The following PDE8B variants were observed in gnomAD, a reference collection of about 807,000 sequenced individuals.
PDE8B encodes the protein high affinity cAMP-specific and IBMX-insensitive 3',5'-cyclic phosphodiesterase 8B.
In PDE8B, 26 loss-of-function variants were observed where a neutral mutation model predicts 101.3. The observed-to-expected ratio is 0.26, with a 90% CI of 0.19 to 0.36. The LOEUF (loss-of-function observed/expected upper bound fraction) is 0.36, where lower values mean the gene tolerates loss of function less well. Among genes scored for constraint, PDE8B ranks in the 10% least tolerant of loss-of-function variants. The pLI, the probability that PDE8B is intolerant of heterozygous loss-of-function variation, is 1.00. For synonymous variants in PDE8B, 424 were observed against 429.3 expected, an observed-to-expected ratio of 0.99 and a Z score of 0.15; for missense variants, 810 against 1,163.1, an observed-to-expected ratio of 0.70 and a Z score of 4.42.
chr5:77,359,663 G>A (rs1031400985), intron 10 of PDE8B, among the ~76,000 whole-genome samples: 1 of 152,128 alleles, frequency 6.6e-6, no homozygotes, highest in Non-Finnish European at 1.5e-5. Context: ...GAAATAAAGT[G>A]TCTCCTTGTG....
chr5:77,313,951 A>C lies in PDE8B; in HGVS notation c.399+1898A>C, dbSNP rs79634216. Among the ~76,000 whole-genome samples the C allele has an allele frequency of 8.5e-5, 13 of 152,262 alleles. 1 individual carries two copies. In the East Asian group the frequency reaches 2.5e-3, roughly 29 times the overall value. ...GTGCTATACACATCGTTCTTCATTC[A>C]TCAGTTGGTGTCATATCTAAGAATT... On this transcript the variant is annotated intron_variant, in intron 2 of 21. Coordinates refer to ENST00000264917, the MANE Select transcript of PDE8B (RefSeq NM_003719.5).
At chr5:77,278,072 C>T (rs1764194137) in intron 1 of PDE8B, among the ~76,000 whole-genome samples, 1 of 152,194 alleles carries the variant, frequency 6.6e-6, no homozygotes, top group Admixed American at 6.5e-5. Context: ...CTACCACTCT[C>T]AGCTGCCATT....
chr5:77,337,141 G>T, intron 5 of PDE8B, 86 bp from the exon 6 acceptor site: 2 of 765,070 alleles, frequency 2.6e-6, no homozygotes, highest in South Asian at 2.9e-5. Context: ...GTTACCTGGG[G>T]ATAGGAACAA....
At chr5:77,355,793 A>T (rs1561575134) in intron 10 of PDE8B, among the ~76,000 whole-genome samples, 1 of 152,226 alleles carries the variant, frequency 6.6e-6, no homozygotes, top group Non-Finnish European at 1.5e-5. Flanking sequence ...TGCAGCACAG[A>T]GGAAATGTGA....
intron 10 of PDE8B, among the ~76,000 whole-genome samples, chr5:77,387,106 A>G (rs1448405645): frequency 6.6e-6 from 1 of 151,226 alleles, no homozygotes; most frequent in Non-Finnish European, 1.5e-5. Flanking sequence ...GATGGTCTCG[A>G]TCTCCTGACC....
chr5:77,291,049 G>A (rs1767213983), intron 1 of PDE8B: 7 of 1,611,870 alleles, frequency 4.3e-6, no homozygotes, highest in Non-Finnish European at 5.9e-6. Context: ...GTGCAGGAGA[G>A]GTTTGGGAGA....
intron 1 of PDE8B, among the ~76,000 whole-genome samples, chr5:77,282,155 G>A (rs933920079): frequency 1.3e-5 from 2 of 151,980 alleles, no homozygotes; most frequent in Non-Finnish European, 2.9e-5. Context: ...TGTGATTTGG[G>A]CTTAATTTAA....
At chr5:77,380,068 A>G (rs933194611) in intron 10 of PDE8B, among the ~76,000 whole-genome samples, 4 of 152,226 alleles carry the variant, frequency 2.6e-5, no homozygotes, top group Admixed American at 6.5e-5. Context: ...ATTTAAGTGA[A>G]TAGTACTTTT....
upstream of PDE8B, among the ~76,000 whole-genome samples, chr5:77,207,009 A>G (rs1283362744): frequency 6.6e-6 from 1 of 152,238 alleles, no homozygotes; most frequent in African/African-American, 2.4e-5. Flanking sequence ...CAGCCACAAG[A>G]GGCAGAACTC....
intron 10 of PDE8B, among the ~76,000 whole-genome samples, chr5:77,397,719 G>A (rs1416673951): frequency 6.6e-6 from 1 of 152,168 alleles, no homozygotes; most frequent in Non-Finnish European, 1.5e-5. Context: ...AGAAAGCATG[G>A]AAGTTTTAGG....
the PDE8B span, among the ~76,000 whole-genome samples, chr5:77,127,508 G>A: frequency 5.9e-5 from 9 of 152,078 alleles, no homozygotes; most frequent in Non-Finnish European, 1.0e-4. Flanking sequence ...CCAGTCTTAG[G>A]TATTTCTTTA....
chr5:77,382,882 G>C (rs547819057), intron 10 of PDE8B, among the ~76,000 whole-genome samples: 1 of 152,160 alleles, frequency 6.6e-6, no homozygotes. Flanking sequence ...ATTGTGAACA[G>C]TGCCACAATA....
intron 13 of PDE8B, 148 bp downstream of exon 13, chr5:77,407,605 A>G (rs1039013323): frequency 1.0e-5 from 7 of 685,700 alleles, no homozygotes; most frequent in African/African-American, 7.0e-5. Context: ...TAAACACCTC[A>G]TCCTAAGTCA....
intron 3 of PDE8B, among the ~76,000 whole-genome samples, chr5:77,326,763 G>A (rs1456303989): frequency 1.3e-5 from 2 of 152,080 alleles, no homozygotes; most frequent in African/African-American, 2.4e-5. Flanking sequence ...ATTGGGTCTT[G>A]TAAAACTAAG....
intron 7 of PDE8B, 141 bp from the exon 8 acceptor site, chr5:77,349,278 T>C: frequency 9.2e-7 from 1 of 1,082,094 alleles, no homozygotes; most frequent in Middle Eastern, 2.9e-4. Flanking sequence ...GCCAGCTAAC[T>C]GCATTAGAGA....
At chr5:77,160,459 G>A in the PDE8B span, among the ~76,000 whole-genome samples, 1 of 152,098 alleles carries the variant, frequency 6.6e-6, no homozygotes, top group Admixed American at 6.5e-5. Flanking sequence ...CGTGTAAGTG[G>A]AACTGCACAG....
intron 1 of PDE8B, among the ~76,000 whole-genome samples, chr5:77,273,467 C>T (rs1241111902): frequency 6.6e-6 from 1 of 152,232 alleles, no homozygotes; most frequent in East Asian, 1.9e-4. Context: ...TATGAACTAG[C>T]AATCGCCCTT....
chr5:77,219,292 C>T (rs1307232135), intron 1 of PDE8B, among the ~76,000 whole-genome samples: 2 of 152,178 alleles, frequency 1.3e-5, no homozygotes, highest in Non-Finnish European at 2.9e-5. Flanking sequence ...AAATGATACA[C>T]TGTACATCTA....
intron 1 of PDE8B, among the ~76,000 whole-genome samples, chr5:77,212,654 A>G (rs1748736817): frequency 6.6e-6 from 1 of 152,210 alleles, no homozygotes; most frequent in African/African-American, 2.4e-5. Context: ...TCTGAAGACT[A>G]GAGTCTAGGA....
Sources: allele counts gnomAD v4.1 joint callset (sites outside exome capture counted in the v4.1 genomes callset), GRCh38; gene constraint gnomAD v4.1.1; transcripts MANE v1.5; gene names NCBI Gene and HGNC (gene_info 2026-07-23, HGNC 2026-07-21).